CNTN4: variants seen among roughly 807,000 people sequenced by gnomAD.
CNTN4 encodes the protein contactin-4.
A neutral mutation model predicts 122.5 loss-of-function variants in CNTN4; 77 were observed. The ratio of observed to expected loss-of-function variants is 0.63; its 90% confidence interval spans 0.52 to 0.76. The LOEUF (loss-of-function observed/expected upper bound fraction) is 0.76. Ranked by LOEUF, CNTN4 falls within the 30% of genes least tolerant of loss-of-function variation. The pLI, the probability that CNTN4 is intolerant of heterozygous loss-of-function variation, is 0.00. For missense variants in CNTN4, 1,256 were observed against 1,259.1 expected (o/e 1.00, Z 0.04); for synonymous variants, 512 against 447.0 (o/e 1.15, Z -1.83).
At chr3:2,173,848 ATAAT>A (rs903410260) in intron 2 of CNTN4, among the ~76,000 whole-genome samples, 36 of 152,214 alleles carry the variant, frequency 2.4e-4, no homozygotes, top group Admixed American at 4.6e-4. Flanking sequence ...AAAGGAAAAA[ATAAT>A]TAAATAAAAT....
At chr3:3,045,911 AC>A (rs1455449049) in intron 23 of CNTN4, among the ~76,000 whole-genome samples, 9 of 152,188 alleles carry the variant, frequency 5.9e-5, no homozygotes, top group African/African-American at 2.2e-4. Context: ...AACTAGACTA[AC>A]CAATGTAGAG....
chr3:2,874,307 A>G (rs2093818565), intron 8 of CNTN4, among the ~76,000 whole-genome samples: 1 of 152,230 alleles, frequency 6.6e-6, no homozygotes, highest in Non-Finnish European at 1.5e-5. Flanking sequence ...GTGGGAACCT[A>G]CAGTCTTAGA....
chr3:2,621,941 C>T (rs114777026), intron 4 of CNTN4, among the ~76,000 whole-genome samples: 127 of 152,274 alleles, frequency 8.3e-4, no homozygotes, highest in African/African-American at 2.9e-3. Flanking sequence ...TGCTGTCATG[C>T]TGCTTCTTGA....
At chr3:2,627,868 C>G (rs2150005614) in intron 4 of CNTN4, among the ~76,000 whole-genome samples, 1 of 152,278 alleles carries the variant, frequency 6.6e-6, no homozygotes, top group Non-Finnish European at 1.5e-5. Context: ...GATTAATTAA[C>G]AGATTAACAT....
intron 6 of CNTN4, among the ~76,000 whole-genome samples, chr3:2,788,902 T>G (rs777046361): frequency 1.3e-5 from 2 of 152,202 alleles, no homozygotes; most frequent in African/African-American, 2.4e-5. Flanking sequence ...GACTTTGGTC[T>G]TTACATAGAT....
intron 6 of CNTN4, among the ~76,000 whole-genome samples, chr3:2,754,425 C>T (rs1437862384): frequency 1.3e-5 from 2 of 152,016 alleles, no homozygotes; most frequent in East Asian, 1.9e-4. Flanking sequence ...GGGAAACTGG[C>T]ATTATCATGG....
chr3:2,328,308 A>G (rs2043551359), intron 2 of CNTN4, among the ~76,000 whole-genome samples: 1 of 150,710 alleles, frequency 6.6e-6, no homozygotes, highest in Non-Finnish European at 1.5e-5. Context: ...CGGGAGGCTG[A>G]GGCAGGAGAA....
intron 6 of CNTN4, among the ~76,000 whole-genome samples, chr3:2,754,745 G>GAA (rs201877364): frequency 8.4e-6 from 1 of 119,554 alleles, no homozygotes; most frequent in African/African-American, 3.1e-5. Flanking sequence ...GGAATGAAGT[G>GAA]AAAAAAAAAA....
intron 3 of CNTN4, among the ~76,000 whole-genome samples, chr3:2,444,550 A>G (rs2048552403): frequency 6.6e-6 from 1 of 152,190 alleles, no homozygotes; most frequent in African/African-American, 2.4e-5. Context: ...TGGCGAGTGT[A>G]GAGGCTGACA....
chr3:2,183,037 A>G (rs1220441665), intron 2 of CNTN4, among the ~76,000 whole-genome samples: 2 of 152,154 alleles, frequency 1.3e-5, no homozygotes, highest in Non-Finnish European at 2.9e-5. Context: ...TCTTCTCTGA[A>G]GAAGATTCTT....
chr3:2,696,398 G>A (rs1165945924), intron 4 of CNTN4, among the ~76,000 whole-genome samples: 1 of 152,198 alleles, frequency 6.6e-6, no homozygotes, highest in East Asian at 1.9e-4. Context: ...TCACATTTAT[G>A]AATGAATTAA....
intron 2 of CNTN4, among the ~76,000 whole-genome samples, chr3:2,197,676 T>C (rs2037908727): frequency 6.6e-6 from 1 of 152,082 alleles, no homozygotes; most frequent in Non-Finnish European, 1.5e-5. Flanking sequence ...AATACCAGTC[T>C]TGTGAAAAAA....
chr3:2,801,023 C>T (rs978055084), intron 6 of CNTN4, among the ~76,000 whole-genome samples: 4 of 152,172 alleles, frequency 2.6e-5, no homozygotes, highest in African/African-American at 9.7e-5. Context: ...TTTCCCATTA[C>T]CACTGCATGA....
chr3:2,791,305 G>A (rs2092002453), intron 6 of CNTN4, among the ~76,000 whole-genome samples: 2 of 152,288 alleles, frequency 1.3e-5, no homozygotes, highest in South Asian at 4.2e-4. Context: ...GCCAAGGCGG[G>A]CTGATCACTT....
intron 4 of CNTN4, among the ~76,000 whole-genome samples, chr3:2,713,764 A>G (rs1180648999): frequency 6.6e-6 from 1 of 152,214 alleles, no homozygotes; most frequent in African/African-American, 2.4e-5. Context: ...TAATGAAATA[A>G]TTATAGAAAG....
chr3:2,709,066 C>A lies in CNTN4; in HGVS notation c.56-27149C>A, dbSNP rs890161568. ...TCAGATATCTCATAGACCATCCCCC[C>A]TCTGCTGCCACTGAATTTCATTTAG... On this transcript the variant is annotated intron_variant, in intron 4 of 24. Transcript: ENST00000418658. This position sits in a 1 kb window ranked among gnomAD's most constrained non-coding sequence, Gnocchi z 5.0. Among the ~76,000 whole-genome samples the A allele has an allele frequency of 2.0e-5, 3 of 152,094 alleles. No individual in the cohort carries two copies. The highest frequency in any genetic ancestry group is 4.4e-5 in the Non-Finnish European group (3 of 68,014).
In CNTN4 at chr3:3,053,803, G is replaced by C. The variant is rs1461546928; in HGVS notation, c.2812-4G>C. On this transcript the variant is annotated splice_region_variant and splice_polypyrimidine_tract_variant and intron_variant, in intron 23 of 24. Coordinates refer to ENST00000418658, the MANE Select transcript of CNTN4 (RefSeq NM_175607.3). ...GGTGACACCTGTTCTTTCTGTATTG[G>C]CAGGTCTTGTACAGATGGAACAGAC... 2 of 1,613,958 alleles carry C rather than the reference G, an allele frequency of 1.2e-6. No individual in the cohort carries two copies. Among genetic ancestry groups the C allele is most frequent in the Non-Finnish European group, 1.7e-6 (2 of 1,179,930 alleles).
intron 4 of CNTN4, among the ~76,000 whole-genome samples, chr3:2,673,867 C>G (rs1467783112): frequency 6.6e-6 from 1 of 152,108 alleles, no homozygotes; most frequent in African/African-American, 2.4e-5. Flanking sequence ...AGAGGCCTTG[C>G]AGCTTCCACT....
At chr3:2,953,432 GTT>G (rs367995011) in intron 13 of CNTN4, among the ~76,000 whole-genome samples, 1 of 146,360 alleles carries the variant, frequency 6.8e-6, no homozygotes, top group Admixed American at 6.8e-5. Flanking sequence ...TAGGCCCCTG[GTT>G]TTTTTTTTTT....
Sources: gnomAD v4.1 joint callset for allele counts (sites outside exome capture counted in the v4.1 genomes callset) on GRCh38, gnomAD v4.1.1 for gene constraint, Gnocchi (gnomAD v3.1) non-coding constraint, MANE v1.5 for transcripts, NCBI Gene and HGNC (gene_info 2026-07-23, HGNC 2026-07-21) for gene names.